Variants in RIC3 observed in about 807,000 individuals in gnomAD.
The protein encoded by RIC3 is protein RIC-3.
RIC3 carries 28 observed loss-of-function variants against 27.3 expected under a neutral mutation model. That is an observed-to-expected ratio of 1.02 (90% CI 0.76 to 1.41). The LOEUF (loss-of-function observed/expected upper bound fraction) is 1.41, where lower values mean the gene tolerates loss of function less well. Ranked by LOEUF, RIC3 falls within the 40% of genes most tolerant of loss-of-function variation. The pLI is 0.00. For synonymous variants in RIC3, 184 were observed against 160.4 expected, an observed-to-expected ratio of 1.15 and a Z score of -1.11; for missense variants, 501 against 444.7, an observed-to-expected ratio of 1.13 and a Z score of -1.14.
rs182370595 is a variant in RIC3 at position 8,164,950 on chromosome 11, C to T, written c.124+3916G>A. On this transcript the variant is annotated intron_variant, in intron 1 of 5. Coordinates refer to ENST00000309737, the MANE Select transcript of RIC3 (RefSeq NM_001206671.4). The stretch of plus-strand genomic sequence containing the variant: ...GTCATCAGGGAAATGCAAATAAAAT[C>T]ACAATGAGATACCATTTCATTCCTA... 6.4e-3 allele frequency among the ~76,000 whole-genome samples: 973 copies of T among 152,158 alleles called. 22 individuals carry two copies. The highest frequency in any genetic ancestry group is 0.051 in the Admixed American group (782 of 15,280).
intron 4 of RIC3, chr11:8,128,143 C>T: frequency 6.6e-6 from 3 of 455,812 alleles, no homozygotes. Flanking sequence ...CTCGTGTGTC[C>T]CACATAACCC....
Position 8,150,508 on chromosome 11 carries a change from AT to A in RIC3, c.125-10316del, listed in dbSNP as rs201635059. On this transcript the variant is annotated intron_variant, in intron 1 of 5. Transcript: ENST00000309737. ...ATTCCAGTTGTTGATGGAATACAGAATTTTTTTTTTATTAGACTGCAGTTAG... is the reference window on the plus strand; with the variant it reads ...ATTCCAGTTGTTGATGGAATACAGAATTTTTTTTTATTAGACTGCAGTTAG... Among the ~76,000 whole-genome samples, 531 of 150,920 alleles carry A rather than the reference AT, an allele frequency of 3.5e-3. 2 individuals are homozygous for A. The highest frequency in any genetic ancestry group is 0.014 in the Middle Eastern group (4 of 292).
At chr11:8,157,550 C>A (rs921260014) in intron 1 of RIC3, among the ~76,000 whole-genome samples, 11 of 152,184 alleles carry the variant, frequency 7.2e-5, no homozygotes, top group Non-Finnish European at 1.2e-4. Context: ...CTAGTGGTCT[C>A]CGGCTGGAAG....
At chr11:8,118,224 CAAA>C (rs989594446) in intron 5 of RIC3, among the ~76,000 whole-genome samples, 2 of 46,014 alleles carry the variant, frequency 4.3e-5, no homozygotes, top group Admixed American at 2.6e-4. Context: ...GGTTCCATCT[CAAA>C]AAAAAAAAAA....
Position 8,110,576 on chromosome 11 carries a change from G to T in RIC3, c.*122C>A. ...AGGATACATGATATCCATGATAGTG[G>T]CCTGATAGCTATGACACTTGAACAC... is the stretch of plus-strand genomic sequence containing the variant. On this transcript the variant is annotated 3_prime_UTR_variant, in exon 6 of 6. Coordinates refer to ENST00000309737, the MANE Select transcript of RIC3 (RefSeq NM_001206671.4). 1.2e-6 allele frequency: 1 copy of T among 859,136 alleles called. No homozygotes were observed. 53.2% of individuals were successfully genotyped at this position (859,136 alleles called of 1,614,324 possible).
At chr11:8,099,088 G>C in the RIC3 span, among the ~76,000 whole-genome samples, 3,919 of 151,986 alleles carry the variant, frequency 0.026, 65 homozygotes, top group African/African-American at 0.047. Flanking sequence ...CATCTGCTTG[G>C]GGAGCTCAGA....
chr11:8,136,987 GTCTATTTAT>G (rs1395139196), intron 4 of RIC3, among the ~76,000 whole-genome samples: 4 of 152,044 alleles, frequency 2.6e-5, no homozygotes, highest in Non-Finnish European at 5.9e-5. Flanking sequence ...AAAATAAGTG[GTCTATTTAT>G]CAAAAAAAAA....
intron 5 of RIC3, among the ~76,000 whole-genome samples, chr11:8,112,399 T>C (rs1231805850): frequency 1.3e-5 from 2 of 152,012 alleles, no homozygotes; most frequent in African/African-American, 2.4e-5. Flanking sequence ...ATTCAAGTGA[T>C]TCTCCTGCCT....
chr11:8,166,831 G>T (rs1319052535), intron 1 of RIC3, among the ~76,000 whole-genome samples: 1 of 152,070 alleles, frequency 6.6e-6, no homozygotes, highest in Non-Finnish European at 1.5e-5. Context: ...GCAGTGAGCT[G>T]TGATCATGAC....
At position 8,110,752 on chromosome 11, in the gene RIC3, A is replaced by G; in HGVS notation, c.1056T>C (p.Asp352=). Residue 352 remains aspartate (D), a synonymous_variant, in exon 6 of 6, where the codon GAT becomes GAC. Transcript: ENST00000309737. ...FKDEGLGIST[D]KAYTGSMLRK... is the part of the protein sequence containing the mutation. ...TCAGCATGCTGCCTGTATATGCTTT[A>G]TCGGTGCTGATGCCCAACCCTTCAT... The G allele has an allele frequency of 6.2e-7, 1 of 1,614,246 alleles. No homozygotes were observed. Among genetic ancestry groups the G allele is most frequent in the Non-Finnish European group, 8.5e-7 (1 of 1,180,048 alleles).
chr11:8,158,081 C>T (rs920148038), intron 1 of RIC3, among the ~76,000 whole-genome samples: 5 of 152,122 alleles, frequency 3.3e-5, no homozygotes, highest in Non-Finnish European at 7.4e-5. Context: ...CACTTACATA[C>T]CAACACATAA....
At chr11:8,113,175 G>A (rs991256487) in intron 5 of RIC3, among the ~76,000 whole-genome samples, 1 of 152,220 alleles carries the variant, frequency 6.6e-6, no homozygotes, top group Non-Finnish European at 1.5e-5. Flanking sequence ...ATAGGATCTG[G>A]AGAAGCTGCT....
chr11:8,121,691 G>C (rs1946475975), intron 5 of RIC3, among the ~76,000 whole-genome samples: 1 of 151,560 alleles, frequency 6.6e-6, no homozygotes, highest in African/African-American at 2.4e-5. Context: ...ACTCCAACTT[G>C]GGCAAAAAAG....
At chr11:8,136,597 C>T (rs1450355087) in intron 4 of RIC3, among the ~76,000 whole-genome samples, 1 of 152,212 alleles carries the variant, frequency 6.6e-6, no homozygotes, top group Non-Finnish European at 1.5e-5. Flanking sequence ...CCCTTTGGGA[C>T]ATTCTAAACG....
chr11:8,098,234 G>A, the RIC3 span, among the ~76,000 whole-genome samples: 2 of 152,128 alleles, frequency 1.3e-5, no homozygotes, highest in East Asian at 3.9e-4. Flanking sequence ...GGGGCAGGAA[G>A]GCTCTGAGCC....
At chr11:8,116,153 G>A (rs1056818501) in intron 5 of RIC3, among the ~76,000 whole-genome samples, 3 of 151,716 alleles carry the variant, frequency 2.0e-5, no homozygotes, top group African/African-American at 7.3e-5. Context: ...ACACACACAG[G>A]TCAAAGGACA....
At chr11:8,105,080 A>G (rs1944490861), downstream of RIC3, 1 of 152,202 alleles carries the variant, frequency 6.6e-6, no homozygotes, top group Admixed American at 6.5e-5. Flanking sequence ...GTCTGCAGTG[A>G]GGGGAGATGC....
rs1944741262 is a variant in RIC3, at chr11:8,107,032, A to T, written c.*3666T>A. 6.6e-6 allele frequency: 1 copy of T among 152,168 alleles called. No homozygotes were observed. The highest frequency in any genetic ancestry group is 1.5e-5 in the Non-Finnish European group (1 of 68,024). The allele number at this position is 152,168 out of a possible 1,614,324, so 9.4% of individuals were successfully genotyped here. On this transcript the variant is annotated 3_prime_UTR_variant, in exon 6 of 6. Transcript: ENST00000309737. The stretch of plus-strand genomic sequence containing the variant: ...GTAAATAGAGCATTATTCCCAATTC[A>T]TGGGGAAACTGGTTCTCTGAGAGGT...
intron 5 of RIC3, among the ~76,000 whole-genome samples, chr11:8,123,982 G>A (rs1431482728): frequency 2.7e-5 from 4 of 150,752 alleles, no homozygotes; most frequent in East Asian, 2.0e-4. Flanking sequence ...GAGGTGGGAG[G>A]GTTGCTTGAG....
Sources: gnomAD v4.1 joint callset for allele counts (sites outside exome capture counted in the v4.1 genomes callset) on GRCh38, gnomAD v4.1.1 for gene constraint, MANE v1.5 for transcripts, NCBI Gene and HGNC (gene_info 2026-07-23, HGNC 2026-07-21) for gene names.